Variants in MYRFL observed in about 807,000 individuals in gnomAD.
MYRFL encodes the protein myelin regulatory factor-like protein.
A neutral mutation model predicts 109.4 loss-of-function variants in MYRFL; 88 were observed. The observed-to-expected ratio is 0.80, with a 90% CI of 0.68 to 0.96. The LOEUF (loss-of-function observed/expected upper bound fraction) is 0.96, where lower values mean the gene tolerates loss of function less well. MYRFL is among the 40% of genes least tolerant of loss of function. The pLI, the probability that MYRFL is intolerant of heterozygous loss-of-function variation, is 0.00. For synonymous variants in MYRFL, 324 were observed against 320.9 expected, an observed-to-expected ratio of 1.01 and a Z score of -0.10; for missense variants, 957 against 954.9, an observed-to-expected ratio of 1.00 and a Z score of -0.03.
intron 8 of MYRFL, among the ~76,000 whole-genome samples, chr12:69,894,342 A>G (rs1398016112): frequency 6.6e-6 from 1 of 152,192 alleles, no homozygotes; most frequent in African/African-American, 2.4e-5. Context: ...ATGTTTATCA[A>G]CAAAGCAGAG....
Position 69,952,097 on chromosome 12 carries a change from C to A in MYRFL, c.2225-16C>A. The A allele has an allele frequency of 6.5e-7, 1 of 1,535,822 alleles. No individual in the cohort carries two copies. Among genetic ancestry groups the A allele is most frequent in the African/African-American group, 1.4e-5 (1 of 73,164 alleles). The stretch of plus-strand genomic sequence containing the variant: ...TGAACAAGCCTTCAAGATTGACAGA[C>A]TTGTTTCCTTTTCAGAAGACAAAAG... On this transcript the variant is annotated splice_polypyrimidine_tract_variant and intron_variant, in intron 19 of 24. Coordinates refer to ENST00000552032, the MANE Select transcript of MYRFL (RefSeq NM_182530.3).
chr12:69,846,002 G>A (rs536567560), intron 1 of MYRFL, among the ~76,000 whole-genome samples: 1 of 151,324 alleles, frequency 6.6e-6, no homozygotes, highest in African/African-American at 2.4e-5. Flanking sequence ...TTAGAGAACA[G>A]TTGACTCCAG....
chr12:69,944,244 T>C (rs1186087004), intron 19 of MYRFL, among the ~76,000 whole-genome samples: 3 of 123,674 alleles, frequency 2.4e-5, no homozygotes, highest in Non-Finnish European at 4.9e-5. Flanking sequence ...CGTATGTTTA[T>C]TGCGGCATTA....
chr12:69,958,088 CTTCTG>C, intron 23 of MYRFL, 146 bp downstream of exon 23: 2 of 1,275,780 alleles, frequency 1.6e-6, no homozygotes, highest in Non-Finnish European at 2.1e-6. Flanking sequence ...TCTAAGGCAA[CTTCTG>C]TTCTGTTGCT....
chr12:69,936,382 T>C lies in MYRFL; in HGVS notation c.2044+47T>C, dbSNP rs1050429873. The C allele has an allele frequency of 3.9e-6, 6 of 1,533,158 alleles. No individual in the cohort carries two copies. The African/African-American group carries it at 6.9e-5, about 18-fold the overall frequency. 95.0% of individuals were successfully genotyped at this position (1,533,158 alleles called of 1,614,324 possible). A position where few individuals can be genotyped will look rare whatever the true frequency, so the allele number is the denominator to read the frequency against. ...CCCTCAAACCCGGTTTCAAGTGAAC[T>C]GTTAACAGAAGAAACCAGCCTTTCA... On this transcript the variant is annotated intron_variant, in intron 18 of 24. Transcript: ENST00000552032.
chr12:69,836,681 C>T (rs937128153), intron 1 of MYRFL, among the ~76,000 whole-genome samples: 1 of 152,138 alleles, frequency 6.6e-6, no homozygotes, highest in Admixed American at 6.5e-5. Context: ...ATTTGAAGAA[C>T]TGCCATTAGC....
At chr12:69,926,047 A>G (rs988226196) in intron 13 of MYRFL, among the ~76,000 whole-genome samples, 1 of 134,932 alleles carries the variant, frequency 7.4e-6, no homozygotes. Flanking sequence ...GTCATTTTCT[A>G]TGAATTTTGG....
At chr12:69,896,297 A>G (rs2136341861) in intron 9 of MYRFL, among the ~76,000 whole-genome samples, 1 of 152,322 alleles carries the variant, frequency 6.6e-6, no homozygotes, top group East Asian at 1.9e-4. Context: ...TATATGACAC[A>G]CTGAGCTCTT....
chr12:69,902,220 G>A (rs1954219247), intron 10 of MYRFL, among the ~76,000 whole-genome samples: 1 of 152,152 alleles, frequency 6.6e-6, no homozygotes, highest in Non-Finnish European at 1.5e-5. Flanking sequence ...TGTTTATCAA[G>A]TATCAATGGT....
intron 1 of MYRFL, among the ~76,000 whole-genome samples, chr12:69,846,531 A>AT (rs1348764509): frequency 6.6e-6 from 1 of 151,912 alleles, no homozygotes; most frequent in Non-Finnish European, 1.5e-5. Context: ...TGAACTCATC[A>AT]TTTTTTTATG....
chr12:69,834,570 A>G (rs941945417), intron 1 of MYRFL, among the ~76,000 whole-genome samples: 1 of 152,230 alleles, frequency 6.6e-6, no homozygotes, highest in African/African-American at 2.4e-5. Flanking sequence ...AAACGTTAAA[A>G]TGACAGAATA....
At chr12:69,954,234 A>C (rs12422838) in intron 21 of MYRFL, among the ~76,000 whole-genome samples, 50,077 of 151,946 alleles carry the variant, frequency 0.33, 8,496 homozygotes, top group East Asian at 0.48. Context: ...CCCAAATACC[A>C]ATTTTTCAGC....
At chr12:69,912,069 C>G (rs916583927) in intron 13 of MYRFL, among the ~76,000 whole-genome samples, 3 of 152,136 alleles carry the variant, frequency 2.0e-5, no homozygotes, top group Non-Finnish European at 4.4e-5. Context: ...CATCTTCCAC[C>G]TACCAGCCAC....
At chr12:69,927,512 A>C (rs1437505361) in intron 14 of MYRFL, among the ~76,000 whole-genome samples, 173 bp from the exon 15 acceptor site, 1 of 152,140 alleles carries the variant, frequency 6.6e-6, no homozygotes, top group Non-Finnish European at 1.5e-5. Flanking sequence ...AGTTATACTT[A>C]CTAAAGTTCC....
In MYRFL at chr12:69,853,987, A is replaced by G. The variant is rs556287604; in HGVS notation, c.47-1293A>G. Among the ~76,000 whole-genome samples the G allele has an allele frequency of 6.6e-5, 10 of 152,316 alleles. No homozygotes were observed. In the East Asian group the frequency reaches 1.9e-3, roughly 29 times the overall value. ...TGCAATCTCGGCACTTTGGGAGGCC[A>G]AGGCAGGCGGCTGGGAGGTGGAGGT... is the stretch of plus-strand genomic sequence containing the variant. On this transcript the variant is annotated intron_variant, in intron 1 of 24. Transcript: ENST00000552032.
chr12:69,892,153 T>G (rs1371455859), intron 7 of MYRFL, among the ~76,000 whole-genome samples: 3 of 152,130 alleles, frequency 2.0e-5, no homozygotes, highest in Non-Finnish European at 4.4e-5. Context: ...TTTCATCAAA[T>G]TATCAAAGAG....
At chr12:69,880,495 G>GT (rs1183443199) in intron 5 of MYRFL, among the ~76,000 whole-genome samples, 2 of 152,174 alleles carry the variant, frequency 1.3e-5, no homozygotes, top group African/African-American at 4.8e-5. Context: ...AAGAGATGAT[G>GT]TTTCCCGTCT....
intron 19 of MYRFL, among the ~76,000 whole-genome samples, chr12:69,939,376 C>G (rs1272731638): frequency 1.3e-5 from 2 of 152,126 alleles, no homozygotes; most frequent in East Asian, 3.9e-4. Flanking sequence ...TCAAGTGGGT[C>G]CCTGACCCCT....
chr12:69,895,104 G>A (rs1953943183), intron 8 of MYRFL, among the ~76,000 whole-genome samples: 1 of 152,212 alleles, frequency 6.6e-6, no homozygotes, highest in South Asian at 2.1e-4. Context: ...GGAGCATATG[G>A]CCCTTGTGAG....
Sources: gnomAD v4.1 joint callset for allele counts (sites outside exome capture counted in the v4.1 genomes callset) on GRCh38, gnomAD v4.1.1 for gene constraint, MANE v1.5 for transcripts, NCBI Gene and HGNC (gene_info 2026-07-23, HGNC 2026-07-21) for gene names.